Variants in ARHGEF10L observed in about 807,000 individuals in gnomAD.
The protein encoded by ARHGEF10L is rho guanine nucleotide exchange factor 10-like protein.
Under a neutral mutation model 141.2 loss-of-function variants are expected in ARHGEF10L, and 69 were observed. The ratio of observed to expected loss-of-function variants is 0.49; its 90% CI spans 0.40 to 0.60. ARHGEF10L has a LOEUF of 0.60. ARHGEF10L is among the 20% of genes least tolerant of loss of function. The pLI is 0.00. For missense variants in ARHGEF10L, 1,482 were observed against 1,734.3 expected (o/e 0.85, Z 2.58); for synonymous variants, 711 against 718.5 (o/e 0.99, Z 0.17).
intron 9 of ARHGEF10L, chr1:17,618,299 C>G: frequency 3.4e-6 from 5 of 1,481,140 alleles, no homozygotes; most frequent in Admixed American, 4.6e-5. Flanking sequence ...TGAAGTGACC[C>G]TCCCTGCAGA....
chr1:17,593,459 TG>T (rs1485275892), intron 4 of ARHGEF10L, among the ~76,000 whole-genome samples: 2 of 152,088 alleles, frequency 1.3e-5, no homozygotes, highest in African/African-American at 4.8e-5. Flanking sequence ...GGGTTATCTG[TG>T]GGCCCAGTGG....
At chr1:17,531,272 C>A in the ARHGEF10L span, among the ~76,000 whole-genome samples, 3 of 152,166 alleles carry the variant, frequency 2.0e-5, no homozygotes, top group Non-Finnish European at 4.4e-5. Context: ...GCCTCTTTCA[C>A]GTCCCTGACG....
chr1:17,550,650 G>GAAA (rs58121017), intron 1 of ARHGEF10L, among the ~76,000 whole-genome samples: 4 of 143,536 alleles, frequency 2.8e-5, no homozygotes, highest in African/African-American at 1.0e-4. Context: ...TCTCAAAAAC[G>GAAA]AAAAAAAAAA....
At chr1:17,696,742 C>G (rs1214906251) in intron 28 of ARHGEF10L, 106 bp from the exon 29 acceptor site, 1 of 1,175,878 alleles carries the variant, frequency 8.5e-7, no homozygotes, top group Non-Finnish European at 1.2e-6. Flanking sequence ...ACAGAAGTGA[C>G]CCCCCCAAAT....
chr1:17,585,471 C>T (rs193093541), intron 2 of ARHGEF10L, among the ~76,000 whole-genome samples: 5 of 152,264 alleles, frequency 3.3e-5, no homozygotes, highest in East Asian at 3.9e-4. Flanking sequence ...CAGGCCACAT[C>T]GCTGCCCAGA....
At position 17,627,334 on chromosome 1, in the gene ARHGEF10L, T is replaced by C. The variant is rs1471419348; in HGVS notation, c.1415T>C (p.Met472Thr). 1 of 1,613,714 alleles carries C rather than the reference T, an allele frequency of 6.2e-7. No individual in the cohort carries two copies. Among genetic ancestry groups the C allele is most frequent in the Admixed American group, 1.7e-5 (1 of 60,016 alleles). Residue 472 changes from methionine (M) to threonine (T), a missense_variant, in exon 15 of 29, where the codon ATG becomes ACG. Coordinates refer to ENST00000361221, the MANE Select transcript of ARHGEF10L (RefSeq NM_018125.4). This position sits in a 1 kb window ranked among gnomAD's most constrained non-coding sequence, Gnocchi z 4.0. ...GTCTCTGCTCTGACCTGGCAGGACA[T>C]GCTGAAGAACACCCCCAGGGGCCAT... is the stretch of plus-strand genomic sequence containing the variant. Reference protein sequence around the residue: ...FPQFILLLQDMLKNTPRGHPD... With the variant: ...FPQFILLLQDTLKNTPRGHPD...
chr1:17,566,275 C>A (rs1028337456), intron 1 of ARHGEF10L, among the ~76,000 whole-genome samples: 2 of 152,214 alleles, frequency 1.3e-5, no homozygotes, highest in African/African-American at 2.4e-5. Context: ...CCACCAGATG[C>A]CAGTAGTGTC....
intron 1 of ARHGEF10L, among the ~76,000 whole-genome samples, chr1:17,578,694 T>C (rs1041076525): frequency 3.3e-5 from 5 of 152,112 alleles, no homozygotes; most frequent in African/African-American, 9.7e-5. Context: ...TCAGTACCTA[T>C]CGATGGGGGC....
intron 25 of ARHGEF10L, among the ~76,000 whole-genome samples, chr1:17,659,538 C>T (rs1206822474): frequency 2.0e-5 from 3 of 152,224 alleles, no homozygotes; most frequent in East Asian, 1.9e-4. Context: ...CCCCACCCAT[C>T]CCAGCAGCAG....
chr1:17,623,019 G>C lies in ARHGEF10L; in HGVS notation c.1044G>C (p.Glu348Asp), dbSNP rs745590439. ...AGGACTACCGCAACCCCCTGATGGA[G>C]ATGGAGCCCAAGGCGCTGAGCGCCC... is the stretch of plus-strand genomic sequence containing the variant. ...ILQDYRNPLM[E>D]MEPKALSARK... Residue 348 changes from glutamate to aspartate, a missense_variant, in exon 12 of 29, where the codon GAG (glutamate) becomes GAC (aspartate). By Grantham distance (45) the Glu-to-Asp change is conservative. Around this residue, in one of 3 missense-constraint regions of ARHGEF10L, gnomAD observed 392 missense variants for 542.1 expected, o/e 0.72. Coordinates refer to ENST00000361221, the MANE Select transcript of ARHGEF10L (RefSeq NM_018125.4). This position sits in a 1 kb window ranked among gnomAD's most constrained non-coding sequence, Gnocchi z 4.7. The C allele has an allele frequency of 6.2e-7, 1 of 1,613,702 alleles. No individual in the cohort carries two copies. The highest frequency in any genetic ancestry group is 1.1e-5 in the South Asian group (1 of 91,064).
In ARHGEF10L at chr1:17,637,959, G is replaced by A. The variant is rs1469677122; in HGVS notation, c.1999G>A (p.Glu667Lys). ...CCTGCAGAAGGACCTGGCCGTGGTG[G>A]AGCAGATCACGCTTCTCATCAGCAC... ...QDLQKDLAVV[E>K]QITLLISTLH... Residue 667 changes from glutamate (E) to lysine (K), a missense_variant, in exon 19 of 29, where the codon GAG (glutamate) becomes AAG (lysine). Coordinates refer to ENST00000361221, the MANE Select transcript of ARHGEF10L (RefSeq NM_018125.4). 1 of 1,600,580 alleles carries A rather than the reference G, an allele frequency of 6.2e-7. No homozygotes were observed. Among genetic ancestry groups the A allele is most frequent in the African/African-American group, 1.3e-5 (1 of 74,868 alleles).
chr1:17,661,028 A>G (rs911355363), intron 25 of ARHGEF10L, among the ~76,000 whole-genome samples: 4 of 152,130 alleles, frequency 2.6e-5, no homozygotes, highest in Non-Finnish European at 5.9e-5. Context: ...AGCAAGGGGA[A>G]GTCTCTTGTT....
intron 1 of ARHGEF10L, among the ~76,000 whole-genome samples, chr1:17,580,246 G>C (rs996284375): frequency 2.6e-5 from 4 of 152,220 alleles, no homozygotes; most frequent in Non-Finnish European, 5.9e-5. Flanking sequence ...TCTGGGGCCA[G>C]ATTTCACCTG....
At chr1:17,620,214 A>AG (rs2060033889) in intron 10 of ARHGEF10L, among the ~76,000 whole-genome samples, 1 of 151,512 alleles carries the variant, frequency 6.6e-6, no homozygotes, top group Non-Finnish European at 1.5e-5. Context: ...TCAAAAAAAA[A>AG]AAAAAAAAAT....
intron 1 of ARHGEF10L, among the ~76,000 whole-genome samples, chr1:17,571,628 G>T (rs2078004383): frequency 6.6e-6 from 1 of 152,066 alleles, no homozygotes; most frequent in Non-Finnish European, 1.5e-5. Flanking sequence ...CTGCCTCCTG[G>T]GTTCAAGTGA....
rs74625960 is a variant in ARHGEF10L at position 17,627,131 on chromosome 1, T to C, written c.1411-199T>C. ...TCATGTGGGTCTATTCCTAGAAAGATCCATGCTTTTGTTTTCTTTTTCATG... is the reference window on the plus strand; with the variant it reads ...TCATGTGGGTCTATTCCTAGAAAGACCCATGCTTTTGTTTTCTTTTTCATG... On this transcript the variant is annotated intron_variant, in intron 14 of 28. Transcript: ENST00000361221. This position sits in a 1 kb window ranked among gnomAD's most constrained non-coding sequence, Gnocchi z 4.0. Among the ~76,000 whole-genome samples the C allele has an allele frequency of 0.023, 3,540 of 152,354 alleles. 146 individuals carry two copies. Among genetic ancestry groups the C allele is most frequent in the African/African-American group, 0.081 (3,374 of 41,568 alleles).
At chr1:17,630,762 C>T (rs1277563294) in intron 15 of ARHGEF10L, among the ~76,000 whole-genome samples, 14 of 152,240 alleles carry the variant, frequency 9.2e-5, no homozygotes, top group Admixed American at 9.2e-4. Flanking sequence ...TATTAAGAGC[C>T]ATCCTCAGTG....
At chr1:17,546,306 A>G (rs2076913858) in intron 1 of ARHGEF10L, among the ~76,000 whole-genome samples, 1 of 152,148 alleles carries the variant, frequency 6.6e-6, no homozygotes, top group Admixed American at 6.5e-5. Context: ...TTCTCCCCCC[A>G]TTGCTAATTG....
At chr1:17,624,797 G>A (rs1464043096) in intron 13 of ARHGEF10L, among the ~76,000 whole-genome samples, 1 of 152,204 alleles carries the variant, frequency 6.6e-6, no homozygotes, top group Non-Finnish European at 1.5e-5. Flanking sequence ...GTGAGTGGGT[G>A]GGTCTGCCTG....
Sources: allele counts gnomAD v4.1 joint callset (sites outside exome capture counted in the v4.1 genomes callset), GRCh38; gene constraint gnomAD v4.1.1; regional missense constraint gnomAD v4.1.1; non-coding constraint Gnocchi (gnomAD v3.1); transcripts MANE v1.5; gene names NCBI Gene and HGNC (gene_info 2026-07-23, HGNC 2026-07-21).